Variants in SVOPL observed in about 807,000 individuals in gnomAD.
The protein encoded by SVOPL is SVOP like.
SVOPL carries 60 observed loss-of-function variants against 61.0 expected under a neutral mutation model. The observed-to-expected ratio is 0.98, with a 90% CI of 0.80 to 1.22. The LOEUF (loss-of-function observed/expected upper bound fraction) is 1.22. Among genes scored for constraint, SVOPL ranks in the 50% most tolerant of loss-of-function variants. SVOPL has a pLI of 0.00. For synonymous variants in SVOPL, 279 were observed against 250.0 expected (o/e 1.12, Z -1.09); for missense variants, 662 against 643.9 (o/e 1.03, Z -0.30).
At chr7:138,690,014 A>G (rs1298998441) in intron 1 of SVOPL, among the ~76,000 whole-genome samples, 1 of 152,064 alleles carries the variant, frequency 6.6e-6, no homozygotes, top group Admixed American at 6.6e-5. Context: ...TGATGCATCT[A>G]TAAGCCAAGG....
Position 138,599,167 on chromosome 7 carries a change from A to AAAACC in SVOPL, c.1354-2638_1354-2637insGGTTT, listed in dbSNP as rs58372563. ...AAAAAAAAAAAAAAAACCAAAAAAA[A>AAAACC]AAGAAATACAGAAATGTCAAAAGAC... is the stretch of plus-strand genomic sequence containing the variant. On this transcript the variant is annotated intron_variant, in intron 14 of 15. Coordinates refer to ENST00000674285, the MANE Select transcript of SVOPL (RefSeq NM_001139456.2). Among the ~76,000 whole-genome samples the AAAACC allele has an allele frequency of 2.7e-3, 333 of 121,822 alleles. 5 individuals carry two copies. The highest frequency in any genetic ancestry group is 0.01 in the African/African-American group (322 of 31,554). 79.9% of individuals were successfully genotyped at this position (121,822 alleles called of 152,430 possible).
chr7:138,637,339 A>C (rs1332413304), intron 9 of SVOPL, among the ~76,000 whole-genome samples: 1 of 151,680 alleles, frequency 6.6e-6, no homozygotes, highest in Non-Finnish European at 1.5e-5. Flanking sequence ...GAAGCATGAA[A>C]AACACTTGAA....
At chr7:138,604,436 G>A (rs1055400275) in intron 14 of SVOPL, among the ~76,000 whole-genome samples, 5 of 152,124 alleles carry the variant, frequency 3.3e-5, no homozygotes, top group African/African-American at 4.8e-5. Flanking sequence ...CACATTGGGA[G>A]GCCAAGGCGG....
intron 3 of SVOPL, among the ~76,000 whole-genome samples, chr7:138,677,192 CTG>C (rs1404965492): frequency 6.6e-6 from 1 of 152,188 alleles, no homozygotes; most frequent in East Asian, 1.9e-4. Flanking sequence ...GCGTGAGCCA[CTG>C]CGCCCGGCCT....
chr7:138,655,341 C>CA (rs1801671979), intron 7 of SVOPL, among the ~76,000 whole-genome samples: 1 of 151,804 alleles, frequency 6.6e-6, no homozygotes, highest in South Asian at 2.1e-4. Flanking sequence ...CCATCTCTAC[C>CA]AAAAATATAA....
chr7:138,692,682 G>A (rs894735111), intron 1 of SVOPL, among the ~76,000 whole-genome samples: 10 of 152,072 alleles, frequency 6.6e-5, no homozygotes, highest in Non-Finnish European at 1.2e-4. Context: ...ACATTAGACC[G>A]CTAGAGAAAT....
intron 13 of SVOPL, chr7:138,624,959 C>T (rs1169504633): frequency 6.6e-6 from 1 of 152,142 alleles, no homozygotes; most frequent in African/African-American, 2.4e-5. Flanking sequence ...ACCTCAGCCT[C>T]CCAAATTCAA....
At chr7:138,697,803 G>A (rs1803103056) in intron 1 of SVOPL, among the ~76,000 whole-genome samples, 1 of 150,846 alleles carries the variant, frequency 6.6e-6, no homozygotes, top group Non-Finnish European at 1.5e-5. Flanking sequence ...AGAAGAGGAA[G>A]AAGAAGAAGA....
At chr7:138,648,984 C>CA (rs1299462015) in intron 8 of SVOPL, 28 bp downstream of exon 8, 1 of 1,612,964 alleles carries the variant, frequency 6.2e-7, no homozygotes, top group Non-Finnish European at 8.5e-7. Flanking sequence ...GAGGAGGGGA[C>CA]AGGAAGGAGC....
intron 1 of SVOPL, among the ~76,000 whole-genome samples, chr7:138,690,142 C>G (rs779629535): frequency 2.2e-4 from 33 of 152,284 alleles, no homozygotes; most frequent in South Asian, 1.7e-3. Context: ...CTTCTAGCCT[C>G]TCGAATCATG....
At chr7:138,622,326 A>C (rs1270706323) in intron 13 of SVOPL, among the ~76,000 whole-genome samples, 1 of 128,586 alleles carries the variant, frequency 7.8e-6, no homozygotes, top group East Asian at 2.2e-4. Context: ...ACAGAGTCTC[A>C]CTCTTTCGCC....
At chr7:138,697,684 G>A (rs1173891513) in intron 1 of SVOPL, among the ~76,000 whole-genome samples, 2 of 148,496 alleles carry the variant, frequency 1.3e-5, no homozygotes, top group African/African-American at 2.5e-5. Context: ...AGGAAAAGAA[G>A]AGGAAGAAGA....
At chr7:138,678,655 T>G (rs1176520534) in intron 2 of SVOPL, 130 bp from the exon 3 acceptor site, 2 of 836,492 alleles carry the variant, frequency 2.4e-6, no homozygotes, top group Admixed American at 2.5e-5. Flanking sequence ...GTAGGCAACC[T>G]CTGCCTACTG....
chr7:138,669,174 A>G (rs1802352887), intron 4 of SVOPL, among the ~76,000 whole-genome samples: 1 of 152,326 alleles, frequency 6.6e-6, no homozygotes, highest in South Asian at 2.1e-4. Flanking sequence ...CAACTGGGCC[A>G]GGTGTGGTAA....
chr7:138,681,238 T>C (rs1584866768), intron 1 of SVOPL, among the ~76,000 whole-genome samples: 1 of 148,166 alleles, frequency 6.7e-6, no homozygotes, highest in East Asian at 1.9e-4. Context: ...TTATATAACA[T>C]ATATAATAAA....
intron 7 of SVOPL, among the ~76,000 whole-genome samples, chr7:138,653,912 G>A (rs1400305041): frequency 1.2e-4 from 17 of 143,542 alleles, no homozygotes; most frequent in East Asian, 6.3e-4. Context: ...CAGCCTGGAC[G>A]ACAGAGCAAG....
intron 4 of SVOPL, chr7:138,664,188 C>A: frequency 3.2e-6 from 3 of 943,472 alleles, no homozygotes; most frequent in Non-Finnish European, 3.8e-6. Flanking sequence ...CTACCCTGCC[C>A]TCCCCCTCCC....
At chr7:138,596,113 C>G (rs572241139) in intron 15 of SVOPL, among the ~76,000 whole-genome samples, 2 of 150,016 alleles carry the variant, frequency 1.3e-5, no homozygotes, top group Non-Finnish European at 3.0e-5. Flanking sequence ...CACTTAAACC[C>G]AGGAGGTGGA....
intron 14 of SVOPL, among the ~76,000 whole-genome samples, chr7:138,610,348 ACT>A (rs768887796): frequency 6.6e-5 from 10 of 150,512 alleles, no homozygotes; most frequent in Admixed American, 1.3e-4. Flanking sequence ...TGAAATTTAT[ACT>A]CTTTTTTTTT....
Sources: gnomAD v4.1 joint callset for allele counts (sites outside exome capture counted in the v4.1 genomes callset) on GRCh38, gnomAD v4.1.1 for gene constraint, MANE v1.5 for transcripts, NCBI Gene and HGNC (gene_info 2026-07-23, HGNC 2026-07-21) for gene names.